Variants in GPM6A observed in about 807,000 individuals in gnomAD.
GPM6A encodes the protein glycoprotein M6A.
In GPM6A, 7 loss-of-function variants were observed where a neutral mutation model predicts 32.1. The ratio of observed to expected loss-of-function variants is 0.22; its 90% CI spans 0.12 to 0.41. GPM6A has a LOEUF of 0.41. Among genes scored for constraint, GPM6A ranks in the 10% least tolerant of loss-of-function variants. The pLI, the probability that GPM6A is intolerant of heterozygous loss-of-function variation, is 1.00. For synonymous variants in GPM6A, 130 were observed against 123.4 expected, an observed-to-expected ratio of 1.05 and a Z score of -0.35; for missense variants, 235 against 347.2, an observed-to-expected ratio of 0.68 and a Z score of 2.57.
chr4:175,895,203 C>T (rs2111482173), intron 1 of GPM6A, among the ~76,000 whole-genome samples: 1 of 152,196 alleles, frequency 6.6e-6, no homozygotes, highest in South Asian at 2.1e-4. Context: ...ACCAGTGTAG[C>T]CAACTTGCTT....
intron 4 of GPM6A, among the ~76,000 whole-genome samples, chr4:175,648,176 CTT>C (rs1165268870): frequency 6.6e-6 from 1 of 151,232 alleles, no homozygotes; most frequent in South Asian, 2.1e-4. Flanking sequence ...AGGTTTTTGA[CTT>C]TGAGTTGATG....
At chr4:175,647,965 CTCTT>C (rs1451453227) in intron 4 of GPM6A, among the ~76,000 whole-genome samples, 4 of 152,084 alleles carry the variant, frequency 2.6e-5, no homozygotes, top group African/African-American at 9.7e-5. Flanking sequence ...AAAGTGCCTT[CTCTT>C]TCTTTCAAAT....
At chr4:175,637,290 A>AATATATAT (rs1740738596) in intron 6 of GPM6A, among the ~76,000 whole-genome samples, 2 of 54,662 alleles carry the variant, frequency 3.7e-5, no homozygotes, top group South Asian at 1.1e-3. Flanking sequence ...ATTATATAAA[A>AATATATAT]TATATATTAT....
intron 1 of GPM6A, among the ~76,000 whole-genome samples, chr4:175,984,667 A>C (rs192333307): frequency 2.0e-5 from 3 of 152,204 alleles, no homozygotes; most frequent in Admixed American, 2.0e-4. Flanking sequence ...TATTTTTAAA[A>C]TCCTTCCCTG....
chr4:175,673,604 T>C, intron 3 of GPM6A, 76 bp downstream of exon 3: 1 of 1,012,598 alleles, frequency 9.9e-7, no homozygotes, highest in Non-Finnish European at 1.4e-6. Context: ...CTTTAATTCT[T>C]GGGAGATGAA....
intron 1 of GPM6A, among the ~76,000 whole-genome samples, chr4:175,876,593 C>A (rs750922717): frequency 6.6e-6 from 1 of 151,972 alleles, no homozygotes; most frequent in Non-Finnish European, 1.5e-5. Context: ...CTGTGGGATG[C>A]GCAATTTAAG....
At chr4:175,859,076 T>C (rs907317620) in intron 1 of GPM6A, among the ~76,000 whole-genome samples, 1 of 152,088 alleles carries the variant, frequency 6.6e-6, no homozygotes, top group African/African-American at 2.4e-5. Flanking sequence ...AAGGAGGAGA[T>C]GGGGTTGTTC....
intron 1 of GPM6A, among the ~76,000 whole-genome samples, chr4:175,974,042 G>T (rs1160541275): frequency 6.6e-6 from 1 of 152,000 alleles, no homozygotes. Context: ...AGACCAGCCT[G>T]GTCAACACAG....
chr4:175,740,591 T>C (rs775206326), intron 1 of GPM6A, among the ~76,000 whole-genome samples: 32 of 152,014 alleles, frequency 2.1e-4, no homozygotes, highest in Non-Finnish European at 3.2e-4. Flanking sequence ...GTGATACATT[T>C]TGAGCTCTGA....
intron 1 of GPM6A, among the ~76,000 whole-genome samples, chr4:175,857,017 C>G (rs1317653463): frequency 2.0e-5 from 3 of 152,168 alleles, no homozygotes; most frequent in Non-Finnish European, 4.4e-5. Flanking sequence ...ACCCTGCCCT[C>G]TTCTACCCAG....
intron 2 of GPM6A, among the ~76,000 whole-genome samples, chr4:175,684,951 C>A (rs566691969): frequency 6.6e-6 from 1 of 151,846 alleles, no homozygotes; most frequent in Admixed American, 6.6e-5. Flanking sequence ...TACAGTGGTG[C>A]GATCTCGGCT....
intron 1 of GPM6A, among the ~76,000 whole-genome samples, chr4:175,831,402 A>G (rs1735606834): frequency 6.6e-6 from 1 of 152,194 alleles, no homozygotes; most frequent in Admixed American, 6.5e-5. Flanking sequence ...TACATTTTCA[A>G]AGTCTAAATT....
chr4:175,908,234 A>G (rs888353423), intron 1 of GPM6A, among the ~76,000 whole-genome samples: 1 of 152,168 alleles, frequency 6.6e-6, no homozygotes, highest in African/African-American at 2.4e-5. Flanking sequence ...GAGATTCTAA[A>G]TAATTTGTCC....
At chr4:175,911,326 A>G (rs780646660) in intron 1 of GPM6A, among the ~76,000 whole-genome samples, 23 of 152,238 alleles carry the variant, frequency 1.5e-4, no homozygotes, top group Non-Finnish European at 2.9e-4. Flanking sequence ...TCCTCTCTCC[A>G]TCTCAAAAAT....
intron 1 of GPM6A, among the ~76,000 whole-genome samples, chr4:175,781,982 G>C (rs1560930112): frequency 6.6e-6 from 1 of 151,978 alleles, no homozygotes; most frequent in Non-Finnish European, 1.5e-5. Context: ...GAGCAGAAAG[G>C]GTGAGTCCTA....
At chr4:175,921,943 A>T (rs532220470) in intron 1 of GPM6A, among the ~76,000 whole-genome samples, 4 of 152,218 alleles carry the variant, frequency 2.6e-5, no homozygotes, top group Non-Finnish European at 4.4e-5. Flanking sequence ...AATCCAGGTC[A>T]CTAGAACTAG....
chr4:175,715,197 TACTC>T (rs1745776766), intron 1 of GPM6A, among the ~76,000 whole-genome samples: 3 of 152,322 alleles, frequency 2.0e-5, no homozygotes, highest in Non-Finnish European at 4.4e-5. Context: ...TTGCTCAAAA[TACTC>T]ATTCATTCAT....
chr4:175,709,518 A>G (rs1172047886), intron 1 of GPM6A, among the ~76,000 whole-genome samples: 1 of 152,078 alleles, frequency 6.6e-6, no homozygotes, highest in Non-Finnish European at 1.5e-5. Context: ...TCATGAGGTC[A>G]GGCGTTCCAG....
chr4:175,911,712 C>T (rs1738324442), intron 1 of GPM6A, among the ~76,000 whole-genome samples: 1 of 152,112 alleles, frequency 6.6e-6, no homozygotes, highest in Non-Finnish European at 1.5e-5. Context: ...AAGGTTCTTA[C>T]AGATAATGTA....
Sources: gnomAD v4.1 joint callset for allele counts (sites outside exome capture counted in the v4.1 genomes callset) on GRCh38, gnomAD v4.1.1 for gene constraint, MANE v1.5 for transcripts, NCBI Gene and HGNC (gene_info 2026-07-23, HGNC 2026-07-21) for gene names.